Variants in HUNK observed in about 807,000 individuals in gnomAD.
The protein encoded by HUNK is hormonally up-regulated neu tumor-associated kinase.
HUNK carries 21 observed loss-of-function variants against 61.0 expected under a neutral mutation model. The observed-to-expected ratio is 0.34, with a 90% CI of 0.24 to 0.50. The LOEUF (loss-of-function observed/expected upper bound fraction) is 0.50. Ranked by LOEUF, HUNK falls within the 20% of genes least tolerant of loss-of-function variation. The pLI is 0.98. For missense variants in HUNK, 772 were observed against 945.7 expected (o/e 0.82, Z 2.41); for synonymous variants, 371 against 386.1 (o/e 0.96, Z 0.46).
At chr21:31,939,230 G>A (rs1158449049) in intron 2 of HUNK, among the ~76,000 whole-genome samples, 1 of 151,856 alleles carries the variant, frequency 6.6e-6, no homozygotes, top group Non-Finnish European at 1.5e-5. Context: ...CATGTTCTCG[G>A]GTGTGACAGC....
At chr21:31,881,294 T>C (rs993087120) in intron 1 of HUNK, among the ~76,000 whole-genome samples, 1 of 152,198 alleles carries the variant, frequency 6.6e-6, no homozygotes, top group Admixed American at 6.5e-5. Flanking sequence ...ATCATTTCCA[T>C]GTGTTGGTAT....
intron 3 of HUNK, among the ~76,000 whole-genome samples, chr21:31,945,605 C>T (rs1337571002): frequency 6.6e-6 from 1 of 152,170 alleles, no homozygotes; most frequent in Non-Finnish European, 1.5e-5. Flanking sequence ...CACAGGCAGC[C>T]AGAGAGAATC....
At chr21:31,936,186 C>A (rs924500481) in intron 2 of HUNK, among the ~76,000 whole-genome samples, 2 of 152,124 alleles carry the variant, frequency 1.3e-5, no homozygotes, top group African/African-American at 4.8e-5. Context: ...TTGGGTGCTT[C>A]CAGTTTGGGG....
chr21:31,909,645 T>C (rs1256919865), intron 1 of HUNK, among the ~76,000 whole-genome samples: 1 of 152,212 alleles, frequency 6.6e-6, no homozygotes, highest in Non-Finnish European at 1.5e-5. Context: ...CCCTGCTACA[T>C]AAATAGCAGC....
intron 1 of HUNK, among the ~76,000 whole-genome samples, chr21:31,886,614 A>C (rs950451740): frequency 6.6e-6 from 1 of 151,990 alleles, no homozygotes; most frequent in African/African-American, 2.4e-5. Flanking sequence ...CCACTGCTCT[A>C]TTCCCCGTGC....
chr21:31,932,613 A>T (rs1298230883), intron 2 of HUNK, among the ~76,000 whole-genome samples: 3 of 151,972 alleles, frequency 2.0e-5, no homozygotes, highest in African/African-American at 7.3e-5. Flanking sequence ...TCCTTTCCGG[A>T]TCTCTGTAAA....
intron 9 of HUNK, among the ~76,000 whole-genome samples, chr21:31,993,271 G>A (rs1334439535): frequency 3.3e-5 from 5 of 152,056 alleles, no homozygotes; most frequent in African/African-American, 4.8e-5. Context: ...ACTGGGTGGC[G>A]ATACTGGTCC....
chr21:31,972,296 A>G (rs1481937067), intron 6 of HUNK, among the ~76,000 whole-genome samples: 1 of 152,134 alleles, frequency 6.6e-6, no homozygotes, highest in Non-Finnish European at 1.5e-5. Context: ...GCTCAATTCA[A>G]ATTATATCTA....
chr21:31,962,453 G>T (rs1240672391), intron 5 of HUNK, among the ~76,000 whole-genome samples: 2 of 152,210 alleles, frequency 1.3e-5, no homozygotes, highest in African/African-American at 4.8e-5. Flanking sequence ...AGAAGCAGGA[G>T]TTGCAGTTCT....
chr21:31,978,147 G>A (rs1309069017), intron 7 of HUNK, among the ~76,000 whole-genome samples: 1 of 152,184 alleles, frequency 6.6e-6, no homozygotes, highest in African/African-American at 2.4e-5. Flanking sequence ...AACTCAGCTG[G>A]TGTCATTCTA....
intron 1 of HUNK, among the ~76,000 whole-genome samples, chr21:31,899,487 T>G (rs2052448617): frequency 6.6e-6 from 1 of 152,214 alleles, no homozygotes; most frequent in Non-Finnish European, 1.5e-5. Flanking sequence ...TCTATGGGAT[T>G]AGGGACCCAT....
At position 32,000,101 on chromosome 21, in the gene HUNK, C is replaced by T. The variant is rs563827455; in HGVS notation, c.*917C>T. On this transcript the variant is annotated 3_prime_UTR_variant, in exon 11 of 11. Transcript: ENST00000270112. Reference sequence around the variant, plus strand: ...TGTTTAAGGCATAGCCCTGATCCTTCTGGAAGGCATAGAACACGGTTACAG... The same window carrying T: ...TGTTTAAGGCATAGCCCTGATCCTTTTGGAAGGCATAGAACACGGTTACAG... The T allele has an allele frequency of 1.7e-4, 69 of 398,242 alleles. No homozygotes were observed. Among genetic ancestry groups the T allele is most frequent in the Non-Finnish European group, 2.6e-4 (59 of 226,010 alleles). 24.7% of individuals were successfully genotyped at this position (398,242 alleles called of 1,614,324 possible).
chr21:31,933,543 G>C (rs1052417390), intron 2 of HUNK, among the ~76,000 whole-genome samples: 42 of 152,046 alleles, frequency 2.8e-4, no homozygotes, highest in Non-Finnish European at 1.5e-5. Flanking sequence ...CTAGCACTTT[G>C]GGAGGCCGAG....
intron 4 of HUNK, among the ~76,000 whole-genome samples, chr21:31,956,880 A>G (rs1371304161): frequency 1.3e-5 from 2 of 152,196 alleles, no homozygotes; most frequent in African/African-American, 4.8e-5. Flanking sequence ...CCCCTGGGGT[A>G]CGTTTTCCAC....
chr21:31,891,465 G>T (rs866444532), intron 1 of HUNK, among the ~76,000 whole-genome samples: 60 of 152,328 alleles, frequency 3.9e-4, no homozygotes, highest in African/African-American at 1.3e-3. Flanking sequence ...CCCGTGATTG[G>T]CCCAGACTCT....
chr21:31,952,976 A>G lies in HUNK; in HGVS notation c.747-5867A>G, dbSNP rs75517514. On this transcript the variant is annotated intron_variant, in intron 4 of 10. Transcript: ENST00000270112. ...AGAATCCAGAAAGCCCCTGGGCCAT[A>G]TTTCAAAAGACCCATCAGGAAATTC... 1.8e-3 allele frequency among the ~76,000 whole-genome samples: 277 copies of G among 152,154 alleles called. 2 individuals are homozygous for G. The East Asian group carries it at 0.029, about 16-fold the overall frequency.
chr21:31,995,875 T>C lies in HUNK; in HGVS notation c.1413T>C (p.Leu471=), dbSNP rs2070371. The C allele has an allele frequency of 0.76, 1,228,614 of 1,613,384 alleles. 470,046 individuals are homozygous for C. Among genetic ancestry groups the C allele is most frequent in the Non-Finnish European group, 0.78 (920,601 of 1,179,462 alleles). The change falls in exon 10 of 11, where the codon CTT becomes CTC. Residue 471 remains leucine (L), a synonymous_variant. Transcript: ENST00000270112. Reference sequence around the variant, plus strand: ...CGCACAAACAGCCCTCAGGCTCGCTTATGACACAGATTCAGAACACCAAAG... The same window carrying C: ...CGCACAAACAGCCCTCAGGCTCGCTCATGACACAGATTCAGAACACCAAAG... ...LPSHKQPSGS[L]MTQIQNTKAL...
intron 2 of HUNK, among the ~76,000 whole-genome samples, chr21:31,934,923 G>A (rs993809919): frequency 6.6e-6 from 1 of 152,154 alleles, no homozygotes; most frequent in Non-Finnish European, 1.5e-5. Context: ...TAGGCACCTA[G>A]TTTGGTTACG....
chr21:31,884,458 G>T (rs994211277), intron 1 of HUNK, among the ~76,000 whole-genome samples: 1 of 152,006 alleles, frequency 6.6e-6, no homozygotes, highest in Non-Finnish European at 1.5e-5. Flanking sequence ...CAGGCGTGGT[G>T]GTGGGCACCT....
Sources: allele counts gnomAD v4.1 joint callset (sites outside exome capture counted in the v4.1 genomes callset), GRCh38; gene constraint gnomAD v4.1.1; transcripts MANE v1.5; gene names NCBI Gene and HGNC (gene_info 2026-07-23, HGNC 2026-07-21).